The following MOB3B variants were observed in gnomAD, a reference collection of about 807,000 sequenced individuals.
The protein encoded by MOB3B is MOB kinase activator 3B, also known as MOB kinase activator-like 2B.
In MOB3B, 7 loss-of-function variants were observed where a neutral mutation model predicts 18.7. That is an observed-to-expected ratio of 0.37 (90% confidence interval 0.21 to 0.70). MOB3B has a LOEUF of 0.70. Ranked by LOEUF, MOB3B falls within the 30% of genes least tolerant of loss-of-function variation. MOB3B has a pLI of 0.52. For missense variants in MOB3B, 253 were observed against 281.3 expected (o/e 0.90, Z 0.72); for synonymous variants, 111 against 99.9 (o/e 1.11, Z -0.66).
At chr9:27,419,502 A>T (rs1009999413) in intron 2 of MOB3B, among the ~76,000 whole-genome samples, 1 of 152,162 alleles carries the variant, frequency 6.6e-6, no homozygotes, top group Non-Finnish European at 1.5e-5. Flanking sequence ...ATGAACCCAA[A>T]TACTTACAGC....
intron 2 of MOB3B, among the ~76,000 whole-genome samples, chr9:27,360,107 AT>A (rs1410272511): frequency 1.3e-5 from 2 of 152,344 alleles, no homozygotes; most frequent in East Asian, 3.9e-4. Flanking sequence ...CTGGGAAGGT[AT>A]TAATGTAAGA....
intron 2 of MOB3B, among the ~76,000 whole-genome samples, chr9:27,433,733 T>C (rs1322908235): frequency 6.6e-6 from 1 of 152,174 alleles, no homozygotes; most frequent in Non-Finnish European, 1.5e-5. Context: ...TCCATGCATA[T>C]TGAAGGTGCA....
chr9:27,438,366 G>C (rs1587214251), intron 2 of MOB3B, among the ~76,000 whole-genome samples: 1 of 152,156 alleles, frequency 6.6e-6, no homozygotes, highest in South Asian at 2.1e-4. Flanking sequence ...ATTGTGACAG[G>C]CTTCAGAACT....
chr9:27,464,749 C>T (rs908950668), intron 1 of MOB3B, among the ~76,000 whole-genome samples: 16 of 151,952 alleles, frequency 1.1e-4, no homozygotes, highest in Admixed American at 7.2e-4. Flanking sequence ...AGAATCATGG[C>T]GGGAGGTGGA....
intron 2 of MOB3B, among the ~76,000 whole-genome samples, chr9:27,406,518 T>A (rs1433764525): frequency 1.3e-5 from 2 of 152,162 alleles, no homozygotes; most frequent in African/African-American, 4.8e-5. Context: ...TAAAACAGCA[T>A]GATATTGGCA....
chr9:27,460,993 C>G (rs1453598284), intron 1 of MOB3B, among the ~76,000 whole-genome samples: 1 of 152,172 alleles, frequency 6.6e-6, no homozygotes, highest in Non-Finnish European at 1.5e-5. Context: ...CGCTGGGATA[C>G]CCTGAAGTAA....
intron 2 of MOB3B, among the ~76,000 whole-genome samples, chr9:27,430,925 T>TG (rs1310926316): frequency 2.2e-5 from 3 of 133,972 alleles, no homozygotes; most frequent in African/African-American, 5.9e-5. Flanking sequence ...CCTGCCTGCT[T>TG]GGGAAAAAAA....
chr9:27,392,120 C>T (rs963285217), intron 2 of MOB3B, among the ~76,000 whole-genome samples: 1 of 152,180 alleles, frequency 6.6e-6, no homozygotes, highest in African/African-American at 2.4e-5. Context: ...ATTTGGGTCT[C>T]ACCCAGAACT....
chr9:27,519,793 G>C (rs562182546), intron 1 of MOB3B, among the ~76,000 whole-genome samples: 1 of 152,158 alleles, frequency 6.6e-6, no homozygotes, highest in South Asian at 2.1e-4. Flanking sequence ...ATCATTAAGA[G>C]AAGAGCCAAG....
intron 1 of MOB3B, among the ~76,000 whole-genome samples, chr9:27,487,132 A>AAAATAAATAAAT (rs56371907): frequency 0.35 from 50,829 of 144,976 alleles, 9,987 homozygotes; most frequent in Non-Finnish European, 0.44. Flanking sequence ...TTCTGTCTCA[A>AAAATAAATAAAT]AAATAAATAA....
rs373966912 is a variant in MOB3B at position 27,511,194 on chromosome 9, G to A, written c.-199+18361C>T. On this transcript the variant is annotated intron_variant, in intron 1 of 3. Coordinates refer to ENST00000262244, the MANE Select transcript of MOB3B (RefSeq NM_024761.5). ...AGAGGTTAAGGTAGTGATGCTATTA[G>A]GTAAAACATTTTCATCTTTGACAAA... Among the ~76,000 whole-genome samples the A allele has an allele frequency of 3.8e-5, 5 of 133,152 alleles. No individual in the cohort carries two copies. In the East Asian group the frequency reaches 1.1e-3, roughly 30 times the overall value. The allele number at this position is 133,152 out of a possible 152,430, so 87.4% of individuals were successfully genotyped here. A position where few individuals can be genotyped will look rare whatever the true frequency, so the allele number is the denominator to read the frequency against.
chr9:27,405,191 T>C (rs1821948416), intron 2 of MOB3B, among the ~76,000 whole-genome samples: 1 of 134,736 alleles, frequency 7.4e-6, no homozygotes, highest in Non-Finnish European at 1.5e-5. Context: ...CACTGCAACC[T>C]CTGCCTCCGG....
intron 2 of MOB3B, among the ~76,000 whole-genome samples, chr9:27,385,912 TG>T (rs1177633295): frequency 2.0e-5 from 3 of 152,196 alleles, no homozygotes; most frequent in Non-Finnish European, 2.9e-5. Flanking sequence ...CAATGAAGGG[TG>T]CCTCCAGGCC....
At chr9:27,404,573 G>T (rs1821938301) in intron 2 of MOB3B, among the ~76,000 whole-genome samples, 1 of 151,676 alleles carries the variant, frequency 6.6e-6, no homozygotes. Context: ...GGCCAGGTTG[G>T]TCTTGAACTC....
intron 1 of MOB3B, among the ~76,000 whole-genome samples, chr9:27,472,221 CTA>C (rs1819483015): frequency 6.8e-6 from 1 of 146,928 alleles, no homozygotes; most frequent in Non-Finnish European, 1.5e-5. Context: ...TTTTCCCACA[CTA>C]TTTTTTTTTT....
chr9:27,396,149 G>A (rs1821795084), intron 2 of MOB3B, among the ~76,000 whole-genome samples: 1 of 152,056 alleles, frequency 6.6e-6, no homozygotes, highest in Non-Finnish European at 1.5e-5. Context: ...TTCCCTACAT[G>A]TATTTTTTTC....
chr9:27,454,974 T>C (rs1241776205), intron 2 of MOB3B, among the ~76,000 whole-genome samples, 159 bp downstream of exon 2: 1 of 152,120 alleles, frequency 6.6e-6, no homozygotes, highest in Non-Finnish European at 1.5e-5. Flanking sequence ...TAAAGTTTTT[T>C]TTTTCATTTC....
At chr9:27,503,705 G>A (rs986392546) in intron 1 of MOB3B, among the ~76,000 whole-genome samples, 2 of 152,238 alleles carry the variant, frequency 1.3e-5, no homozygotes, top group African/African-American at 2.4e-5. Flanking sequence ...GATTCCTTTA[G>A]GACTAGGGCA....
At chr9:27,375,729 T>C (rs927016477) in intron 2 of MOB3B, among the ~76,000 whole-genome samples, 9 of 152,158 alleles carry the variant, frequency 5.9e-5, no homozygotes, top group African/African-American at 2.2e-4. Flanking sequence ...AAAGCCCTTT[T>C]GCCCAGCACA....
Sources: allele counts gnomAD v4.1 joint callset (sites outside exome capture counted in the v4.1 genomes callset), GRCh38; gene constraint gnomAD v4.1.1; transcripts MANE v1.5; gene names NCBI Gene and HGNC (gene_info 2026-07-23, HGNC 2026-07-21).